Variants in IL1RL1 observed in about 807,000 individuals in gnomAD.
IL1RL1 encodes the protein interleukin 1 receptor like 1, also known as interleukin-1 receptor-like 1.
A neutral mutation model predicts 50.9 loss-of-function variants in IL1RL1; 32 were observed. That is an observed-to-expected ratio of 0.63 (90% CI 0.47 to 0.84). The LOEUF is 0.84. Ranked by LOEUF, IL1RL1 falls within the 40% of genes least tolerant of loss-of-function variation. The pLI, the probability that IL1RL1 is intolerant of heterozygous loss-of-function variation, is 0.00. For synonymous variants in IL1RL1, 275 were observed against 236.0 expected, an observed-to-expected ratio of 1.17 and a Z score of -1.51; for missense variants, 773 against 662.9, an observed-to-expected ratio of 1.17 and a Z score of -1.82.
Position 102,351,805 on chromosome 2 carries a change from A to G in IL1RL1, c.1555A>G (p.Asn519Asp). ...TIKWREDHIA[N>D]KRSLNSKFWK... is the part of the protein sequence containing the mutation. ...CAAGTGGAGGGAGGACCACATTGCC[A>G]ATAAAAGGTCCCTGAATTCTAAATT... The change falls in exon 11 of 11, where the codon AAT becomes GAT. Residue 519 changes from asparagine (N) to aspartate (D), a missense_variant. Physicochemically the swap from Asn to Asp is conservative, Grantham distance 23. Coordinates refer to ENST00000233954, the MANE Select transcript of IL1RL1 (RefSeq NM_016232.5). 1 of 1,614,062 alleles carries G rather than the reference A, an allele frequency of 6.2e-7. No homozygotes were observed.
At chr2:102,326,872 C>T (rs1677017332) in intron 1 of IL1RL1, among the ~76,000 whole-genome samples, 1 of 152,112 alleles carries the variant, frequency 6.6e-6, no homozygotes, top group African/African-American at 2.4e-5. Context: ...TAGAGATCTA[C>T]AAAGAGACTT....
intron 5 of IL1RL1, among the ~76,000 whole-genome samples, chr2:102,341,776 C>T (rs6719130): frequency 0.11 from 16,315 of 152,144 alleles, 952 homozygotes; most frequent in Non-Finnish European, 0.13. Context: ...GAATTCCGTA[C>T]GGGGAAGATT....
At chr2:102,340,888 C>T (rs10173081) in intron 5 of IL1RL1, 60 bp downstream of exon 5, 196,590 of 1,354,726 alleles carry the variant, frequency 0.15, 15,464 homozygotes, top group African/African-American at 0.27. Flanking sequence ...GTGGGAACAG[C>T]GGTGCCCTTC....
intron 1 of IL1RL1, among the ~76,000 whole-genome samples, chr2:102,328,562 A>G (rs1403868075): frequency 6.6e-6 from 1 of 152,186 alleles, no homozygotes; most frequent in African/African-American, 2.4e-5. Context: ...GAGGAAGTCA[A>G]ATTGTCCCTG....
At chr2:102,345,027 T>A (rs1373900942) in intron 8 of IL1RL1, 2 of 950,422 alleles carry the variant, frequency 2.1e-6, no homozygotes, top group African/African-American at 3.5e-5. Context: ...ATATAAATAA[T>A]TGGTGGCATC....
At chr2:102,330,782 G>A (rs895412572) in intron 1 of IL1RL1, among the ~76,000 whole-genome samples, 5 of 152,184 alleles carry the variant, frequency 3.3e-5, no homozygotes, top group Non-Finnish European at 5.9e-5. Flanking sequence ...TGTCTTTGAA[G>A]AAGAAAAGTT....
chr2:102,346,755 C>A (rs1677797051), intron 8 of IL1RL1, among the ~76,000 whole-genome samples: 1 of 152,168 alleles, frequency 6.6e-6, no homozygotes, highest in Admixed American at 6.5e-5. Flanking sequence ...CTTGATAATT[C>A]TTGATTCCAT....
intron 10 of IL1RL1, 24 bp downstream of exon 10, chr2:102,349,270 G>A (rs1165422185): frequency 4.2e-5 from 68 of 1,602,468 alleles, no homozygotes; most frequent in Non-Finnish European, 5.6e-5. Flanking sequence ...CATACATTAG[G>A]GACAGAAATT....
chr2:102,342,071 G>T (rs998547732), intron 5 of IL1RL1, 152 bp from the exon 6 acceptor site: 45 of 560,796 alleles, frequency 8.0e-5, no homozygotes, highest in Admixed American at 1.8e-4. Flanking sequence ...GTGTGTGTGT[G>T]TGTGTGTGTG....
intron 3 of IL1RL1, 58 bp from the exon 4 acceptor site, chr2:102,340,040 G>T: frequency 9.6e-7 from 1 of 1,040,326 alleles, no homozygotes; most frequent in Non-Finnish European, 1.3e-6. Flanking sequence ...GCTGAATTTA[G>T]ATTAAGTTAT....
chr2:102,334,431 G>A (rs1677254372), intron 1 of IL1RL1, among the ~76,000 whole-genome samples: 1 of 152,142 alleles, frequency 6.6e-6, no homozygotes, highest in South Asian at 2.1e-4. Context: ...AGCTAATGGA[G>A]CTGGGGGGCC....
At chr2:102,331,061 G>C (rs1345792148) in intron 1 of IL1RL1, among the ~76,000 whole-genome samples, 7 of 152,108 alleles carry the variant, frequency 4.6e-5, no homozygotes, top group African/African-American at 1.7e-4. Flanking sequence ...ATATATTTTT[G>C]AGTCTACTTC....
At chr2:102,342,501 A>G (rs1424541922) in intron 6 of IL1RL1, among the ~76,000 whole-genome samples, 3 of 152,108 alleles carry the variant, frequency 2.0e-5, no homozygotes, top group African/African-American at 7.2e-5. Context: ...ACATTTGTTT[A>G]TTGTACTTTG....
chr2:102,352,039 G>A, downstream of IL1RL1: 8 of 1,029,322 alleles, frequency 7.8e-6, no homozygotes, highest in Non-Finnish European at 1.1e-5. Flanking sequence ...TCAGGCCTCA[G>A]GTTTCATCTG....
In IL1RL1 at chr2:102,349,168, C is replaced by A. The variant is rs779617808; in HGVS notation, c.1207C>A (p.Gln403Lys). Residue 403 changes from glutamine to lysine, a missense_variant, in exon 10 of 11, where the codon CAG becomes AAG. By Grantham distance (53) the Gln-to-Lys change is moderately conservative (BLOSUM62 1). Transcript: ENST00000233954. The stretch of plus-strand genomic sequence containing the variant: ...CAGTCGTGTAGAGCACTTTGTTCAC[C>A]AGATTCTGCCTGATGTTCTTGAAAA... ...GASRVEHFVH[Q>K]ILPDVLENKC... is the part of the protein sequence containing the mutation. The A allele has an allele frequency of 4.3e-6, 7 of 1,613,424 alleles. No individual in the cohort carries two copies. The highest frequency in any genetic ancestry group is 5.9e-6 in the Non-Finnish European group (7 of 1,179,500).
At chr2:102,344,370 G>A (rs2104994728) in intron 8 of IL1RL1, 1 of 964,562 alleles carries the variant, frequency 1.0e-6, no homozygotes, top group Non-Finnish European at 1.2e-6. Context: ...GTTAAACTTT[G>A]TAAAGTATTT....
intron 8 of IL1RL1, 103 bp downstream of exon 8, chr2:102,343,518 C>CA (rs1677662972): frequency 6.2e-7 from 1 of 1,600,394 alleles, no homozygotes; most frequent in African/African-American, 1.3e-5. Context: ...TGGGAATGGC[C>CA]TGTGCCATAA....
chr2:102,336,798 A>G (rs1425774242), intron 1 of IL1RL1, among the ~76,000 whole-genome samples: 2 of 152,104 alleles, frequency 1.3e-5, no homozygotes, highest in Admixed American at 1.3e-4. Context: ...TAGACAGAGA[A>G]TTTCTAAGTT....
At chr2:102,331,551 C>G (rs1677179346) in intron 1 of IL1RL1, among the ~76,000 whole-genome samples, 2 of 152,224 alleles carry the variant, frequency 1.3e-5, no homozygotes, top group African/African-American at 4.8e-5. Context: ...TCTTCTGGCT[C>G]TCTATGCTCC....
Sources: allele counts gnomAD v4.1 joint callset (sites outside exome capture counted in the v4.1 genomes callset), GRCh38; gene constraint gnomAD v4.1.1; transcripts MANE v1.5; gene names NCBI Gene and HGNC (gene_info 2026-07-23, HGNC 2026-07-21).